ACAT1: variants seen among roughly 807,000 people sequenced by gnomAD.
ACAT1 encodes acetyl-CoA acetyltransferase, mitochondrial.
ACAT1 carries 28 observed loss-of-function variants against 47.3 expected under a neutral mutation model. The observed-to-expected ratio is 0.59, with a 90% CI of 0.44 to 0.81. The LOEUF (loss-of-function observed/expected upper bound fraction) is 0.81, where lower values mean the gene tolerates loss of function less well. ACAT1 is among the 30% of genes least tolerant of loss of function. ACAT1 has a pLI of 0.00. For missense variants in ACAT1, 469 were observed against 524.3 expected (o/e 0.89, Z 1.03); for synonymous variants, 181 against 173.6 (o/e 1.04, Z -0.34).
At chr11:108,137,330 A>G (rs1302626879) in intron 5 of ACAT1, among the ~76,000 whole-genome samples, 1 of 152,080 alleles carries the variant, frequency 6.6e-6, no homozygotes, top group African/African-American at 2.4e-5. Flanking sequence ...ATGTGACCTG[A>G]GGTATAGGTT....
At chr11:108,145,043 G>A (rs2077676319) in intron 10 of ACAT1, among the ~76,000 whole-genome samples, 2 of 152,136 alleles carry the variant, frequency 1.3e-5, no homozygotes, top group Admixed American at 1.3e-4. Flanking sequence ...AGAGTTCCAC[G>A]TTAATTTTAT....
At chr11:108,128,297 A>G (rs1195543885) in intron 1 of ACAT1, among the ~76,000 whole-genome samples, 1 of 152,030 alleles carries the variant, frequency 6.6e-6, no homozygotes, top group African/African-American at 2.4e-5. Context: ...AAAGAGAACT[A>G]AAGTAAGGTG....
At chr11:108,130,273 G>A (rs2077331870) in intron 1 of ACAT1, among the ~76,000 whole-genome samples, 1 of 152,260 alleles carries the variant, frequency 6.6e-6, no homozygotes, top group African/African-American at 2.4e-5. Context: ...CCAGAGGCAG[G>A]GGAGTCACCT....
chr11:108,141,242 G>C (rs1369142636), intron 7 of ACAT1, among the ~76,000 whole-genome samples: 1 of 151,694 alleles, frequency 6.6e-6, no homozygotes, highest in Admixed American at 6.6e-5. Context: ...AAAATTAGCT[G>C]GCTGTGGTGG....
chr11:108,134,641 G>GAAAAA (rs71047674), intron 4 of ACAT1, among the ~76,000 whole-genome samples: 7 of 64,080 alleles, frequency 1.1e-4, no homozygotes, highest in Non-Finnish European at 1.4e-4. Context: ...CTGTCTGAAA[G>GAAAAA]AAAAAAAAAA....
chr11:108,121,701 G>A, intron 1 of ACAT1, 23 bp downstream of exon 1: 1 of 1,546,522 alleles, frequency 6.5e-7, no homozygotes, highest in Non-Finnish European at 8.7e-7. Context: ...CGTCCCCACA[G>A]CACTCAGACC....
intron 4 of ACAT1, 127 bp downstream of exon 4, chr11:108,134,443 G>A: frequency 1.5e-6 from 1 of 669,486 alleles, no homozygotes; most frequent in Non-Finnish European, 2.7e-6. Flanking sequence ...AAGAGATGGA[G>A]ACCATCCTGG....
intron 4 of ACAT1, 76 bp from the exon 5 acceptor site, chr11:108,135,066 A>G: frequency 1.0e-6 from 1 of 961,272 alleles, no homozygotes; most frequent in Admixed American, 1.8e-5. Context: ...GTTGTAGTTT[A>G]TAGTAACATG....
intron 6 of ACAT1, among the ~76,000 whole-genome samples, chr11:108,139,462 G>T (rs1331705938): frequency 6.6e-6 from 1 of 151,594 alleles, no homozygotes; most frequent in Non-Finnish European, 1.5e-5. Context: ...GCGTGGTGGT[G>T]GTGTCTGTAA....
intron 1 of ACAT1, among the ~76,000 whole-genome samples, chr11:108,127,383 G>A (rs1779860164): frequency 6.6e-6 from 1 of 151,272 alleles, no homozygotes; most frequent in African/African-American, 2.4e-5. Flanking sequence ...TCCCACCTCA[G>A]CCTCCCAAAT....
intron 9 of ACAT1, chr11:108,143,037 GCA>G (rs1299968925): frequency 6.1e-6 from 1 of 165,182 alleles, no homozygotes; most frequent in Admixed American, 5.7e-5. Context: ...TAAGGGCTGG[GCA>G]CAGTGGTTCA....
rs767448873 is a variant in ACAT1, at chr11:108,121,620, C to T, written c.14C>T (p.Ala5Val). Residue 5 changes from alanine to valine, a missense_variant, in exon 1 of 12, where the codon GCG becomes GTG. By Grantham distance (64) the Ala-to-Val change is moderately conservative. Coordinates refer to ENST00000265838, the MANE Select transcript of ACAT1 (RefSeq NM_000019.4). The part of the protein sequence containing the change: MAVL[A>V]ALLRSGARSR... The stretch of plus-strand genomic sequence containing the variant: ...CCCTCTGCGACCATGGCTGTGCTGG[C>T]GGCACTTCTGCGCAGCGGCGCCCGC... The T allele has an allele frequency of 4.5e-6, 7 of 1,550,860 alleles. No individual in the cohort carries two copies. Among genetic ancestry groups the T allele is most frequent in the South Asian group, 1.2e-5 (1 of 84,110 alleles).
At chr11:108,128,251 T>C (rs2077289110) in intron 1 of ACAT1, among the ~76,000 whole-genome samples, 1 of 152,052 alleles carries the variant, frequency 6.6e-6, no homozygotes, top group Non-Finnish European at 1.5e-5. Context: ...GACAAGCAAA[T>C]AGACACTGTA....
rs180774428 is a variant in ACAT1, at chr11:108,133,977, A to G, written c.238+40A>G. 4,328 of 1,531,888 alleles carry G rather than the reference A, an allele frequency of 2.8e-3. 10 individuals are homozygous for G. Among genetic ancestry groups the G allele is most frequent in the Non-Finnish European group, 3.6e-3 (3,942 of 1,105,480 alleles). 94.9% of individuals were successfully genotyped at this position (1,531,888 alleles called of 1,614,324 possible). ...GGCTTTTTGTGTTAAGGGAGCAAAA[A>G]GATTCCATGGAAAAGATATTTATTT... On this transcript the variant is annotated intron_variant, in intron 3 of 11. Transcript: ENST00000265838.
At chr11:108,127,205 T>C (rs1396897172) in intron 1 of ACAT1, among the ~76,000 whole-genome samples, 1 of 151,264 alleles carries the variant, frequency 6.6e-6, no homozygotes, top group Non-Finnish European at 1.5e-5. Context: ...GTGAGTCTGG[T>C]GGTCAGTTGA....
intron 5 of ACAT1, 28 bp from the exon 6 acceptor site, chr11:108,138,870 A>C (rs1236931649): frequency 6.2e-7 from 1 of 1,614,142 alleles, no homozygotes; most frequent in Admixed American, 1.7e-5. Flanking sequence ...TTGTATTAAC[A>C]TTGGGTTTTT....
chr11:108,146,342 T>C lies in ACAT1; in HGVS notation c.1146T>C (p.Ser382=). 6.2e-7 allele frequency: 1 copy of C among 1,614,048 alleles called. No homozygotes were observed. Among genetic ancestry groups the C allele is most frequent in the Non-Finnish European group, 8.5e-7 (1 of 1,179,978 alleles). Residue 382 remains serine, a synonymous_variant, in exon 11 of 12, where the codon TCT becomes TCC. Coordinates refer to ENST00000265838, the MANE Select transcript of ACAT1 (RefSeq NM_000019.4). ...TGAATATCAATGGAGGAGCTGTTTC[T>C]CTGGGACATCCAATTGGGTAGGTAA... ...QKVNINGGAV[S]LGHPIGMSGA...
rs1393009679 is a variant in ACAT1, at chr11:108,121,664, C to A, written c.58C>A (p.Arg20=). 6.5e-7 allele frequency: 1 copy of A among 1,549,086 alleles called. No individual in the cohort carries two copies. The change falls in exon 1 of 12, where the codon CGG becomes AGG. Residue 20 remains arginine (R), a synonymous_variant. Coordinates refer to ENST00000265838, the MANE Select transcript of ACAT1 (RefSeq NM_000019.4). ...CGCCCGCAGCCGCAGCCCCCTGCTC[C>A]GGAGGCTGGTGCAGGTGAGCGGGGT... ...SGARSRSPLL[R]RLVQEIRYVE...
At position 108,147,502 on chromosome 11, in the gene ACAT1, T is replaced by G. The variant is rs942051163; in HGVS notation, c.*112T>G. ...AGATAAGCTGTTTCATTTTTTATTATTTTCTATGTTAACTTTTAAAAATCA... is the reference window on the plus strand; with the variant it reads ...AGATAAGCTGTTTCATTTTTTATTAGTTTCTATGTTAACTTTTAAAAATCA... On this transcript the variant is annotated 3_prime_UTR_variant, in exon 12 of 12. Transcript: ENST00000265838. The G allele has an allele frequency of 1.5e-6, 2 of 1,351,914 alleles. No individual in the cohort carries two copies. The highest frequency in any genetic ancestry group is 2.9e-5 in the African/African-American group (2 of 68,720). The allele number at this position is 1,351,914 out of a possible 1,614,324, so 83.7% of individuals were successfully genotyped here.
Sources: allele counts gnomAD v4.1 joint callset (sites outside exome capture counted in the v4.1 genomes callset), GRCh38; gene constraint gnomAD v4.1.1; transcripts MANE v1.5; gene names NCBI Gene and HGNC (gene_info 2026-07-23, HGNC 2026-07-21).